The following CCNT2 variants were observed in gnomAD, a reference collection of about 807,000 sequenced individuals.
CCNT2 encodes cyclin-T2.
CCNT2 carries 18 observed loss-of-function variants against 70.0 expected under a neutral mutation model. That is an observed-to-expected ratio of 0.26 (90% CI 0.18 to 0.38). The LOEUF (loss-of-function observed/expected upper bound fraction) is 0.38, where lower values mean the gene tolerates loss of function less well. Among genes scored for constraint, CCNT2 ranks in the 10% least tolerant of loss-of-function variants. The probability of loss-of-function intolerance (pLI) is 1.00; values close to 1 mark genes in which losing one functional copy is unlikely to be tolerated. For synonymous variants in CCNT2, 334 were observed against 313.3 expected, an observed-to-expected ratio of 1.07 and a Z score of -0.70; for missense variants, 734 against 890.2, an observed-to-expected ratio of 0.82 and a Z score of 2.23.
At chr2:134,930,012 A>T (rs536913337) in intron 2 of CCNT2, among the ~76,000 whole-genome samples, 16 of 152,186 alleles carry the variant, frequency 1.1e-4, no homozygotes, top group Middle Eastern at 3.4e-3. Context: ...GATACAATTC[A>T]TATACCGTAA....
chr2:134,944,801 C>T lies in CCNT2; in HGVS notation c.494-1300C>T, dbSNP rs528208565. 9 of 985,316 alleles carry T rather than the reference C, an allele frequency of 9.1e-6. No homozygotes were observed. In the East Asian group the frequency reaches 6.8e-4, roughly 75 times the overall value. 61.0% of individuals were successfully genotyped at this position (985,316 alleles called of 1,614,324 possible). Reference sequence around the variant, plus strand: ...CAACTTTTAGCTAACAGCATTTCCCCTCTATTCTCTGTTGCACAGTGACTG... The same window carrying T: ...CAACTTTTAGCTAACAGCATTTCCCTTCTATTCTCTGTTGCACAGTGACTG... On this transcript the variant is annotated intron_variant, in intron 5 of 8. Transcript: ENST00000264157.
In CCNT2 at chr2:134,919,852, G is replaced by A. The variant is rs953346504; in HGVS notation, c.201G>A (p.Arg67=). The A allele has an allele frequency of 6.8e-6, 11 of 1,612,958 alleles. No individual in the cohort carries two copies. The highest frequency in any genetic ancestry group is 3.3e-4 in the Middle Eastern group (2 of 6,052). Residue 67 remains arginine, a synonymous_variant, in exon 2 of 9, where the codon AGG becomes AGA. Coordinates refer to ENST00000264157, the MANE Select transcript of CCNT2 (RefSeq NM_058241.3). ...ACACTGCGATTGTTTATATGCACAG[G>A]TTTTATATGCACCATTCTTTCACCA... is the stretch of plus-strand genomic sequence containing the variant. The part of the protein sequence containing the change: ...TINTAIVYMH[R]FYMHHSFTKF...
chr2:134,945,832 G>A, intron 5 of CCNT2: 2 of 1,447,860 alleles, frequency 1.4e-6, no homozygotes, highest in East Asian at 3.0e-5. Context: ...GCTTAACTTA[G>A]TAACAAGTTT....
intron 7 of CCNT2, among the ~76,000 whole-genome samples, chr2:134,948,436 A>T (rs1682165701): frequency 6.6e-6 from 1 of 152,246 alleles, no homozygotes. Context: ...AAATGTGTAT[A>T]CTGAAAGTTG....
intron 2 of CCNT2, 87 bp from the exon 3 acceptor site, chr2:134,936,754 C>CAAA: frequency 9.2e-7 from 1 of 1,081,862 alleles, no homozygotes. Context: ...AACTCCACCT[C>CAAA]AAAAAAAAAA....
intron 2 of CCNT2, among the ~76,000 whole-genome samples, chr2:134,921,603 C>T (rs1679912922): frequency 6.6e-6 from 1 of 152,222 alleles, no homozygotes; most frequent in East Asian, 1.9e-4. Context: ...ATCCGTCCGC[C>T]TCGGCCTCCC....
rs773407973 is a variant in CCNT2, at chr2:134,954,434, C to T, written c.1979C>T (p.Ser660Phe). Reference protein sequence around the residue: ...SVKQYISSHNSVFNHPLPPPP... With the variant: ...SVKQYISSHNFVFNHPLPPPP... ...AAGCAGTATATATCCTCTCACAACT[C>T]TGTTTTTAACCATCCCTTACCCCCT... The change falls in exon 9 of 9, where the codon TCT becomes TTT. Residue 660 changes from serine (S) to phenylalanine (F), a missense_variant. Ser to Phe is a radical substitution (Grantham distance 155, BLOSUM62 -2). Around this residue, in one of 3 missense-constraint regions of CCNT2, gnomAD observed 532 missense variants for 556.9 expected, o/e 0.96. Coordinates refer to ENST00000264157, the MANE Select transcript of CCNT2 (RefSeq NM_058241.3). The T allele has an allele frequency of 5.0e-6, 8 of 1,614,012 alleles. No individual in the cohort carries two copies. Among genetic ancestry groups the T allele is most frequent in the Non-Finnish European group, 5.1e-6 (6 of 1,179,970 alleles).
chr2:134,931,485 A>T (rs1434496529), intron 2 of CCNT2, among the ~76,000 whole-genome samples: 1 of 151,746 alleles, frequency 6.6e-6, no homozygotes, highest in Non-Finnish European at 1.5e-5. Flanking sequence ...TTTTGAATTT[A>T]GGAAATATGA....
At chr2:134,934,280 C>G (rs1680995644) in intron 2 of CCNT2, among the ~76,000 whole-genome samples, 1 of 152,136 alleles carries the variant, frequency 6.6e-6, no homozygotes, top group Admixed American at 6.5e-5. Flanking sequence ...GGTCCCTGTC[C>G]TCAGTGAACT....
Position 134,954,094 on chromosome 2 carries a change from C to T in CCNT2, c.1639C>T (p.His547Tyr). Residue 547 changes from histidine (H) to tyrosine (Y), a missense_variant, in exon 9 of 9, where the codon CAT (histidine) becomes TAT (tyrosine). Physicochemically the swap from His to Tyr is moderately conservative, Grantham distance 83. This residue lies in a region of CCNT2 where 532 missense variants were observed against 556.9 expected (regional missense o/e 0.96). Transcript: ENST00000264157. ...TGATGAAGGCAGTGGGAAGAGCAAA[C>T]ATTCAAGCCCACATATTAGCAGAGA... ...SSDEGSGKSK[H>Y]SSPHISRDHK... 6.2e-7 allele frequency: 1 copy of T among 1,614,154 alleles called. No individual in the cohort carries two copies. Among genetic ancestry groups the T allele is most frequent in the Non-Finnish European group, 8.5e-7 (1 of 1,180,028 alleles).
chr2:134,941,174 T>C (rs1681553616), intron 4 of CCNT2, among the ~76,000 whole-genome samples: 1 of 152,146 alleles, frequency 6.6e-6, no homozygotes, highest in African/African-American at 2.4e-5. Flanking sequence ...AATTGTGGTG[T>C]ATTTCTGTAA....
At chr2:134,950,814 A>G (rs1281492025) in intron 7 of CCNT2, among the ~76,000 whole-genome samples, 1 of 152,232 alleles carries the variant, frequency 6.6e-6, no homozygotes, top group Non-Finnish European at 1.5e-5. Context: ...ATTTTTGTGC[A>G]TATAGCTAAT....
intron 5 of CCNT2, chr2:134,943,440 C>A (rs1434222412): frequency 1.0e-6 from 1 of 985,104 alleles, no homozygotes; most frequent in East Asian, 1.1e-4. Flanking sequence ...GTGTTTTGCC[C>A]ATATTCATTT....
intron 2 of CCNT2, chr2:134,920,178 A>G (rs764531130): frequency 4.4e-4 from 112 of 254,874 alleles, no homozygotes; most frequent in South Asian, 4.5e-4. Flanking sequence ...TAAATTCTAT[A>G]CTTAACATTT....
chr2:134,945,694 T>C lies in CCNT2; in HGVS notation c.494-407T>C, dbSNP rs971023968. 2.4e-6 allele frequency: 3 copies of C among 1,261,178 alleles called. No homozygotes were observed. The African/African-American group carries it at 4.7e-5, about 20-fold the overall frequency. 78.1% of individuals were successfully genotyped at this position (1,261,178 alleles called of 1,614,324 possible). A position where few individuals can be genotyped will look rare whatever the true frequency, so the allele number is the denominator to read the frequency against. ...GGAAGTATTTAAGCCAACTTAAATA[T>C]GACTGAGGATTAAGTCTGGCAGGCA... On this transcript the variant is annotated intron_variant, in intron 5 of 8. Coordinates refer to ENST00000264157, the MANE Select transcript of CCNT2 (RefSeq NM_058241.3).
chr2:134,929,908 C>T (rs1198782141), intron 2 of CCNT2, among the ~76,000 whole-genome samples: 2 of 151,722 alleles, frequency 1.3e-5, no homozygotes, highest in Non-Finnish European at 2.9e-5. Context: ...GGCTTGGCCT[C>T]CCAAAGTGCT....
chr2:134,926,167 C>G (rs1680286936), intron 2 of CCNT2, among the ~76,000 whole-genome samples: 1 of 152,140 alleles, frequency 6.6e-6, no homozygotes, highest in African/African-American at 2.4e-5. Context: ...TGATTTGTCA[C>G]TTTAAGCACC....
In CCNT2 at chr2:134,946,115, G is replaced by A; in HGVS notation, c.508G>A (p.Ala170Thr). 6.2e-7 allele frequency: 1 copy of A among 1,611,462 alleles called. No individual in the cohort carries two copies. Among genetic ancestry groups the A allele is most frequent in the Non-Finnish European group, 8.5e-7 (1 of 1,179,612 alleles). ...TTTTCTTACAGCAAGCAAGGATTTG[G>A]CACAGACATCCTATTTCATGGCTAC... is the stretch of plus-strand genomic sequence containing the variant. Reference protein sequence around the residue: ...TQLVRASKDLAQTSYFMATNS... With the variant: ...TQLVRASKDLTQTSYFMATNS... Residue 170 changes from alanine to threonine, a missense_variant, in exon 6 of 9, where the codon GCA (alanine) becomes ACA (threonine). Transcript: ENST00000264157.
chr2:134,921,429 C>T (rs1272861206), intron 2 of CCNT2, among the ~76,000 whole-genome samples: 1 of 152,106 alleles, frequency 6.6e-6, no homozygotes, highest in African/African-American at 2.4e-5. Context: ...TCACAGCTCA[C>T]CACAACCTCT....
Sources: gnomAD v4.1 joint callset for allele counts (sites outside exome capture counted in the v4.1 genomes callset) on GRCh38, gnomAD v4.1.1 for gene constraint, gnomAD v4.1.1 regional missense constraint, MANE v1.5 for transcripts, NCBI Gene and HGNC (gene_info 2026-07-23, HGNC 2026-07-21) for gene names.